Variants in PBX1 observed in about 807,000 individuals in gnomAD.
PBX1 encodes PBX homeobox 1.
In PBX1, 6 loss-of-function variants were observed where a neutral mutation model predicts 53.4. The ratio of observed to expected loss-of-function variants is 0.11; its 90% CI spans 0.06 to 0.22. The LOEUF is 0.22. PBX1 is among the 10% of genes least tolerant of loss of function. The pLI is 1.00. For synonymous variants in PBX1, 204 were observed against 212.3 expected, an observed-to-expected ratio of 0.96 and a Z score of 0.34; for missense variants, 251 against 551.4, an observed-to-expected ratio of 0.46 and a Z score of 5.46.
At chr1:164,686,170 AGTAG>A (rs1211415056) in intron 2 of PBX1, among the ~76,000 whole-genome samples, 2 of 152,232 alleles carry the variant, frequency 1.3e-5, no homozygotes, top group Admixed American at 6.5e-5. Context: ...CCTAACACCC[AGTAG>A]GTGCTCACTA....
At chr1:164,655,100 G>GTGTTTTT (rs1553225088) in intron 2 of PBX1, among the ~76,000 whole-genome samples, 1 of 138,822 alleles carries the variant, frequency 7.2e-6, no homozygotes, top group African/African-American at 2.7e-5. Context: ...TCTGATGTGT[G>GTGTTTTT]TTTTTTTTTT....
chr1:164,681,494 G>A (rs553450658), intron 2 of PBX1, among the ~76,000 whole-genome samples: 157 of 152,280 alleles, frequency 1.0e-3, no homozygotes, highest in African/African-American at 3.1e-3. Flanking sequence ...GTTAATTATA[G>A]CCTCCTCTTA....
At chr1:164,663,558 G>T (rs1375668404) in intron 2 of PBX1, among the ~76,000 whole-genome samples, 1 of 152,164 alleles carries the variant, frequency 6.6e-6, no homozygotes, top group African/African-American at 2.4e-5. Flanking sequence ...TCGACATGCT[G>T]TGTGTTCTTT....
chr1:164,736,927 T>G (rs1487539646), intron 2 of PBX1, among the ~76,000 whole-genome samples: 1 of 152,196 alleles, frequency 6.6e-6, no homozygotes, highest in East Asian at 1.9e-4. Flanking sequence ...AAAAAATAGA[T>G]AACATGTGAA....
chr1:164,839,386 G>A lies in PBX1; in HGVS notation c.1201-7198G>A, dbSNP rs183727533. Among the ~76,000 whole-genome samples the A allele has an allele frequency of 5.7e-3, 861 of 152,302 alleles. 8 individuals are homozygous for A. The highest frequency in any genetic ancestry group is 0.019 in the African/African-American group (790 of 41,568). On this transcript the variant is annotated intron_variant, in intron 8 of 8. Transcript: ENST00000420696. ...GTATTTACGTAATTAAAAACTAAGT[G>A]ATTACAGCCAAAAACATATGGTGCT... is the stretch of plus-strand genomic sequence containing the variant.
chr1:164,776,861 A>G (rs1466055151), intron 2 of PBX1, among the ~76,000 whole-genome samples: 5 of 149,684 alleles, frequency 3.3e-5, no homozygotes, highest in Non-Finnish European at 7.4e-5. Flanking sequence ...GCTAAAATTT[A>G]ATATTGAATC....
intron 2 of PBX1, among the ~76,000 whole-genome samples, chr1:164,782,583 T>A (rs1667987794): frequency 6.6e-6 from 1 of 152,242 alleles, no homozygotes; most frequent in Non-Finnish European, 1.5e-5. Context: ...TTCAGCAATT[T>A]TCAAAAACTG....
chr1:164,884,357 G>A (rs1190327481), intron 2 of PBX1, among the ~76,000 whole-genome samples: 1 of 152,114 alleles, frequency 6.6e-6, no homozygotes, highest in African/African-American at 2.4e-5. Context: ...TCTAGGTCCA[G>A]GCCTTTTTCT....
At chr1:164,668,928 C>T (rs1571186216) in intron 2 of PBX1, among the ~76,000 whole-genome samples, 1 of 152,040 alleles carries the variant, frequency 6.6e-6, no homozygotes, top group African/African-American at 2.4e-5. Context: ...TGGCAGAATC[C>T]GTTTAGATTT....
At chr1:164,718,089 C>T (rs999233169) in intron 2 of PBX1, among the ~76,000 whole-genome samples, 5 of 152,170 alleles carry the variant, frequency 3.3e-5, no homozygotes, top group Non-Finnish European at 7.3e-5. Flanking sequence ...TGCTTTAAGT[C>T]ACAGAGTTGG....
At chr1:164,631,889 A>G (rs1170395715) in intron 2 of PBX1, among the ~76,000 whole-genome samples, 2 of 152,238 alleles carry the variant, frequency 1.3e-5, no homozygotes, top group Non-Finnish European at 2.9e-5. Flanking sequence ...CAGCGGAGTC[A>G]GGAACTGGGC....
chr1:164,726,650 T>A (rs1185147008), intron 2 of PBX1, among the ~76,000 whole-genome samples: 5 of 152,262 alleles, frequency 3.3e-5, no homozygotes, highest in Admixed American at 3.3e-4. Flanking sequence ...CTATGGAGTA[T>A]AAAATGGTCT....
chr1:164,765,279 T>C (rs571189554), intron 2 of PBX1, among the ~76,000 whole-genome samples: 2 of 152,330 alleles, frequency 1.3e-5, no homozygotes, highest in East Asian at 3.9e-4. Context: ...GCTTCTGGTA[T>C]ATGTGCGATA....
chr1:164,715,599 A>T (rs1439204726), intron 2 of PBX1, among the ~76,000 whole-genome samples: 1 of 152,190 alleles, frequency 6.6e-6, no homozygotes, highest in African/African-American at 2.4e-5. Context: ...TGCTTAGAAT[A>T]ATACCTGGAT....
rs116798529 is a variant in PBX1, at chr1:164,613,747, G to T, written c.265+50436G>T. Among the ~76,000 whole-genome samples the T allele has an allele frequency of 9.0e-3, 1,364 of 152,022 alleles. 24 individuals are homozygous for T. The highest frequency in any genetic ancestry group is 0.031 in the African/African-American group (1,272 of 41,428). On this transcript the variant is annotated intron_variant, in intron 2 of 8. Transcript: ENST00000420696. The stretch of plus-strand genomic sequence containing the variant: ...GTTTCCTTGTCTTCCTTCTCTTCTG[G>T]TGAGAGTGTCTTGAGGTAGAAACGA...
intron 8 of PBX1, among the ~76,000 whole-genome samples, chr1:164,822,192 G>T (rs536528573): frequency 1.3e-5 from 2 of 152,016 alleles, no homozygotes; most frequent in Admixed American, 1.3e-4. Flanking sequence ...AAGCTATGTC[G>T]CACAGAGTGA....
chr1:164,638,404 A>G (rs920202124), intron 2 of PBX1, among the ~76,000 whole-genome samples: 2 of 152,248 alleles, frequency 1.3e-5, no homozygotes, highest in Non-Finnish European at 1.5e-5. Context: ...ATTCTTACAT[A>G]GCATTCCTCA....
intron 6 of PBX1, chr1:164,819,202 A>AGTGGAACCT (rs1217774504): frequency 6.6e-6 from 1 of 152,224 alleles, no homozygotes; most frequent in African/African-American, 2.4e-5. Context: ...CAGTGGAACC[A>AGTGGAACCT]GTGGAACCTG....
intron 2 of PBX1, among the ~76,000 whole-genome samples, chr1:164,756,269 C>G (rs560661886): frequency 6.6e-6 from 1 of 152,274 alleles, no homozygotes; most frequent in East Asian, 1.9e-4. Flanking sequence ...CTATGTAACC[C>G]AAGTCCTTGT....
Sources: allele counts gnomAD v4.1 joint callset (sites outside exome capture counted in the v4.1 genomes callset), GRCh38; gene constraint gnomAD v4.1.1; transcripts MANE v1.5; gene names NCBI Gene and HGNC (gene_info 2026-07-23, HGNC 2026-07-21).